The following ROBO2 variants were observed in gnomAD, a reference collection of about 807,000 sequenced individuals.
ROBO2 encodes the protein roundabout guidance receptor 2.
ROBO2 carries 53 observed loss-of-function variants against 160.8 expected under a neutral mutation model. That is an observed-to-expected ratio of 0.33 (90% CI 0.26 to 0.41). The LOEUF is 0.41. Ranked by LOEUF, ROBO2 falls within the 10% of genes least tolerant of loss-of-function variation. ROBO2 has a pLI of 1.00. For missense variants in ROBO2, 1,577 were observed against 1,722.4 expected, an observed-to-expected ratio of 0.92 and a Z score of 1.49; for synonymous variants, 664 against 611.7, an observed-to-expected ratio of 1.09 and a Z score of -1.26.
Position 75,944,224 on chromosome 3 carries a change from T to A in ROBO2, c.109+6622T>A, listed in dbSNP as rs568212192. Among the ~76,000 whole-genome samples the A allele has an allele frequency of 2.6e-5, 4 of 152,220 alleles. No individual in the cohort carries two copies. The East Asian group carries it at 7.7e-4, about 29-fold the overall frequency. ...GGTGTGAAGTGCTAAAACTGTGCTT[T>A]AAGAATAACTTAAGTCCTTTATGTA... On this transcript the variant is annotated intron_variant, in intron 2 of 26. Transcript: ENST00000487694.
At chr3:77,450,942 T>C (rs1425433428) in intron 2 of ROBO2, among the ~76,000 whole-genome samples, 1 of 151,390 alleles carries the variant, frequency 6.6e-6, no homozygotes, top group East Asian at 1.9e-4. Flanking sequence ...ATTGAAGGCA[T>C]ATTTGAAATT....
In ROBO2 at chr3:76,434,231, A is replaced by G. The variant is rs954458181; in HGVS notation, c.109+496629A>G. On this transcript the variant is annotated intron_variant, in intron 2 of 26. Coordinates refer to the ROBO2 transcript ENST00000487694. ...AGAAATATGCAGAGATGGTCCACAC[A>G]GGTTTGACGTTGGAGCGAGCGCTGT... The G allele has an allele frequency of 3.1e-4, 316 of 1,029,794 alleles. 1 individual carries two copies. The highest frequency in any genetic ancestry group is 4.5e-4 in the Middle Eastern group (2 of 4,458). 63.8% of individuals were successfully genotyped at this position (1,029,794 alleles called of 1,614,324 possible).
At chr3:77,086,776 G>T (rs1209964875) in intron 1 of ROBO2, among the ~76,000 whole-genome samples, 1 of 152,060 alleles carries the variant, frequency 6.6e-6, no homozygotes, top group Non-Finnish European at 1.5e-5. Context: ...TTCTGGTCGT[G>T]ATTTAGCCAT....
intron 2 of ROBO2, among the ~76,000 whole-genome samples, chr3:76,112,542 T>C (rs1249569376): frequency 1.3e-5 from 2 of 152,084 alleles, no homozygotes; most frequent in Non-Finnish European, 2.9e-5. Context: ...GTAGGTAATA[T>C]ATCTGTTGAA....
intron 2 of ROBO2, among the ~76,000 whole-genome samples, chr3:76,316,435 A>G (rs778908326): frequency 1.1e-4 from 17 of 152,174 alleles, no homozygotes; most frequent in Admixed American, 2.6e-4. Flanking sequence ...GGCTGTCTGC[A>G]AGAAGAAAAA....
chr3:76,156,747 C>T (rs1377996504), intron 2 of ROBO2, among the ~76,000 whole-genome samples: 1 of 152,204 alleles, frequency 6.6e-6, no homozygotes, highest in Non-Finnish European at 1.5e-5. Flanking sequence ...GTGGGCGGAT[C>T]ACCTGAAGTC....
intron 2 of ROBO2, among the ~76,000 whole-genome samples, chr3:77,310,649 T>C (rs189962146): frequency 1.3e-5 from 2 of 152,270 alleles, no homozygotes; most frequent in East Asian, 3.9e-4. Context: ...AATTAAATGG[T>C]ATGGTGCAAA....
At chr3:77,362,322 A>G (rs2070145932) in intron 2 of ROBO2, among the ~76,000 whole-genome samples, 1 of 152,164 alleles carries the variant, frequency 6.6e-6, no homozygotes, top group Non-Finnish European at 1.5e-5. Context: ...GCCAAGAAGT[A>G]GAGTGGGGGT....
chr3:76,335,490 A>G (rs896789756), intron 2 of ROBO2, among the ~76,000 whole-genome samples: 10 of 151,630 alleles, frequency 6.6e-5, no homozygotes, highest in African/African-American at 1.2e-4. Flanking sequence ...CCTTCTGTGT[A>G]TTTTTATATT....
intron 2 of ROBO2, among the ~76,000 whole-genome samples, chr3:77,468,859 T>C (rs546954711): frequency 4.8e-4 from 73 of 152,092 alleles, no homozygotes; most frequent in Non-Finnish European, 2.8e-4. Flanking sequence ...CATTTTGGAG[T>C]TGTCAGCATG....
chr3:77,205,022 G>A (rs988439012), intron 2 of ROBO2, among the ~76,000 whole-genome samples: 1 of 152,200 alleles, frequency 6.6e-6, no homozygotes. Context: ...CAAGTGCTCT[G>A]GGCTGCAGCC....
intron 2 of ROBO2, among the ~76,000 whole-genome samples, chr3:76,622,235 GAAGA>G (rs66811756): frequency 0.016 from 709 of 44,594 alleles, 12 homozygotes; most frequent in Admixed American, 0.019. Context: ...AGGAAGGAAG[GAAGA>G]AAGAAAGAAA....
intron 1 of ROBO2, among the ~76,000 whole-genome samples, chr3:77,093,355 C>G (rs572700207): frequency 6.2e-4 from 94 of 152,248 alleles, no homozygotes; most frequent in Non-Finnish European, 2.5e-4. Context: ...CCCCCACTCC[C>G]CCTTACTGTT....
chr3:77,641,475 T>A (rs1264922313), intron 24 of ROBO2, among the ~76,000 whole-genome samples: 1 of 152,214 alleles, frequency 6.6e-6, no homozygotes, highest in African/African-American at 2.4e-5. Context: ...TTATACTTTT[T>A]CCTTCTAAAT....
At chr3:77,274,057 C>A (rs58741183) in intron 2 of ROBO2, among the ~76,000 whole-genome samples, 3,040 of 151,894 alleles carry the variant, frequency 0.02, 78 homozygotes, top group African/African-American at 0.07. Context: ...TTATTTATAA[C>A]CCTAATATAT....
intron 3 of ROBO2, among the ~76,000 whole-genome samples, chr3:77,480,429 G>T (rs735190): frequency 2.0e-5 from 3 of 151,812 alleles, no homozygotes; most frequent in East Asian, 1.9e-4. Context: ...GCCAATAAAT[G>T]CTTCTCATTT....
chr3:76,796,796 A>G (rs1431647702), intron 2 of ROBO2, among the ~76,000 whole-genome samples: 1 of 152,252 alleles, frequency 6.6e-6, no homozygotes, highest in Middle Eastern at 3.4e-3. Context: ...GAGCAGGTAT[A>G]TCTACATTTG....
chr3:76,928,222 G>A (rs1329679314), intron 2 of ROBO2, among the ~76,000 whole-genome samples: 1 of 152,130 alleles, frequency 6.6e-6, no homozygotes, highest in East Asian at 1.9e-4. Context: ...AGAGAGCCAT[G>A]AGCCACAAAA....
intron 2 of ROBO2, among the ~76,000 whole-genome samples, chr3:76,767,198 G>T (rs144613487): frequency 1.8e-4 from 28 of 151,446 alleles, no homozygotes; most frequent in South Asian, 2.1e-4. Context: ...CTTTTAGTAC[G>T]TGAAGTTCAG....
Sources: allele counts gnomAD v4.1 joint callset (sites outside exome capture counted in the v4.1 genomes callset), GRCh38; gene constraint gnomAD v4.1.1; transcripts MANE v1.5; gene names NCBI Gene and HGNC (gene_info 2026-07-23, HGNC 2026-07-21).